Variants in PDE4B observed in about 807,000 individuals in gnomAD.
PDE4B encodes 3',5'-cyclic-AMP phosphodiesterase 4B.
PDE4B carries 20 observed loss-of-function variants against 82.2 expected under a neutral mutation model. The ratio of observed to expected loss-of-function variants is 0.24; its 90% CI spans 0.17 to 0.35. The LOEUF is 0.35. PDE4B is among the 10% of genes least tolerant of loss of function. The pLI is 1.00. For synonymous variants in PDE4B, 320 were observed against 318.9 expected, an observed-to-expected ratio of 1.00 and a Z score of -0.04; for missense variants, 655 against 907.2, an observed-to-expected ratio of 0.72 and a Z score of 3.57.
chr1:66,339,867 A>G lies in PDE4B; in HGVS notation c.747+7247A>G, dbSNP rs187275603. Among the ~76,000 whole-genome samples the G allele has an allele frequency of 8.1e-5, 12 of 148,952 alleles. No individual in the cohort carries two copies. In the East Asian group the frequency reaches 2.1e-3, roughly 27 times the overall value. On this transcript the variant is annotated intron_variant, in intron 8 of 16. Coordinates refer to ENST00000341517, the MANE Select transcript of PDE4B (RefSeq NM_002600.4). Reference sequence around the variant, plus strand: ...TTTTTGTTGTTTTTTTTTTTTTAGAATATGTCCGAGTCTAAAAGGCTCCTA... The same window carrying G: ...TTTTTGTTGTTTTTTTTTTTTTAGAGTATGTCCGAGTCTAAAAGGCTCCTA...
chr1:65,988,977 T>C (rs1651100328), intron 3 of PDE4B, among the ~76,000 whole-genome samples: 1 of 152,196 alleles, frequency 6.6e-6, no homozygotes, highest in Admixed American at 6.5e-5. Context: ...AAAGTTATCA[T>C]AGTGTCACTA....
chr1:66,011,161 C>A (rs1422725107), intron 3 of PDE4B, among the ~76,000 whole-genome samples: 1 of 147,694 alleles, frequency 6.8e-6, no homozygotes, highest in Non-Finnish European at 1.5e-5. Context: ...TTTATTCATT[C>A]ACTTGTTGAC....
intron 1 of PDE4B, among the ~76,000 whole-genome samples, chr1:65,867,895 A>C (rs936091625): frequency 1.3e-5 from 2 of 152,220 alleles, no homozygotes; most frequent in African/African-American, 4.8e-5. Context: ...TGTTCTCTCT[A>C]AAAATCCCTT....
intron 1 of PDE4B, among the ~76,000 whole-genome samples, chr1:65,862,365 A>C (rs1374481378): frequency 6.6e-6 from 1 of 152,202 alleles, no homozygotes; most frequent in African/African-American, 2.4e-5. Flanking sequence ...TGATTTGCAT[A>C]TGTTGAACCA....
intron 1 of PDE4B, among the ~76,000 whole-genome samples, chr1:65,797,736 C>T (rs1645647458): frequency 6.6e-6 from 1 of 152,134 alleles, no homozygotes; most frequent in Non-Finnish European, 1.5e-5. Flanking sequence ...GCTCTGAGGC[C>T]ACCTAGTATT....
intron 3 of PDE4B, among the ~76,000 whole-genome samples, chr1:66,229,017 CT>C (rs537786155): frequency 6.6e-6 from 1 of 151,586 alleles, no homozygotes. Context: ...TCCCCAGAGG[CT>C]TTTTTTTGAG....
intron 8 of PDE4B, among the ~76,000 whole-genome samples, chr1:66,345,276 C>T (rs1231163740): frequency 6.6e-6 from 1 of 151,262 alleles, no homozygotes; most frequent in Non-Finnish European, 1.5e-5. Context: ...AAGGGAAATC[C>T]ACAATTTATT....
intron 3 of PDE4B, among the ~76,000 whole-genome samples, chr1:66,166,816 T>C (rs1646742501): frequency 1.3e-5 from 2 of 151,358 alleles, no homozygotes; most frequent in South Asian, 2.1e-4. Context: ...AAGGGACATG[T>C]TTCTAGAATA....
intron 2 of PDE4B, among the ~76,000 whole-genome samples, chr1:65,914,284 A>G (rs989838857): frequency 2.0e-5 from 3 of 152,154 alleles, no homozygotes; most frequent in African/African-American, 7.2e-5. Context: ...TGCTAGAACT[A>G]ATTCTCAGCT....
At chr1:66,076,958 G>C (rs527298410) in intron 3 of PDE4B, among the ~76,000 whole-genome samples, 1 of 151,638 alleles carries the variant, frequency 6.6e-6, no homozygotes, top group South Asian at 2.1e-4. Context: ...CCCTTATTCT[G>C]TAAGTTGTCT....
chr1:65,839,966 A>G (rs1412776693), intron 1 of PDE4B, among the ~76,000 whole-genome samples: 1 of 152,140 alleles, frequency 6.6e-6, no homozygotes, highest in Non-Finnish European at 1.5e-5. Context: ...TTGCAATTCT[A>G]ACTGGCATGA....
At chr1:66,165,596 A>G (rs1646713237) in intron 3 of PDE4B, among the ~76,000 whole-genome samples, 1 of 152,166 alleles carries the variant, frequency 6.6e-6, no homozygotes, top group South Asian at 2.1e-4. Flanking sequence ...AATTCTATAT[A>G]ATAGCAATGA....
intron 3 of PDE4B, among the ~76,000 whole-genome samples, chr1:66,063,508 G>T (rs1388413742): frequency 2.0e-5 from 3 of 151,788 alleles, no homozygotes; most frequent in Non-Finnish European, 4.4e-5. Flanking sequence ...TTTTTAAATT[G>T]ACACATAATA....
chr1:66,191,214 A>G (rs1045347211), intron 3 of PDE4B, among the ~76,000 whole-genome samples: 2 of 152,164 alleles, frequency 1.3e-5, no homozygotes, highest in Non-Finnish European at 2.9e-5. Flanking sequence ...TAAAACTTGT[A>G]TCTAGGACTC....
chr1:66,123,381 T>C (rs1037640135), intron 3 of PDE4B, among the ~76,000 whole-genome samples: 2 of 152,204 alleles, frequency 1.3e-5, no homozygotes, highest in African/African-American at 4.8e-5. Context: ...AGACACTTAC[T>C]TTCATCGGCA....
chr1:66,190,665 C>T (rs1403531389), intron 3 of PDE4B, among the ~76,000 whole-genome samples: 1 of 152,150 alleles, frequency 6.6e-6, no homozygotes. Context: ...TCCTGGTATG[C>T]CATTTGCTAA....
At chr1:66,020,041 T>C (rs929500925) in intron 3 of PDE4B, among the ~76,000 whole-genome samples, 2 of 152,240 alleles carry the variant, frequency 1.3e-5, no homozygotes, top group African/African-American at 4.8e-5. Flanking sequence ...GAAAAATAGT[T>C]ACTATCGACA....
At chr1:66,071,471 T>C (rs1252011331) in intron 3 of PDE4B, among the ~76,000 whole-genome samples, 1 of 152,126 alleles carries the variant, frequency 6.6e-6, no homozygotes, top group Non-Finnish European at 1.5e-5. Context: ...GAAGAGTACT[T>C]TGGGAATATA....
intron 9 of PDE4B, among the ~76,000 whole-genome samples, chr1:66,361,001 A>G (rs898940060): frequency 6.6e-6 from 1 of 152,198 alleles, no homozygotes; most frequent in Non-Finnish European, 1.5e-5. Flanking sequence ...GTCTTCCTCT[A>G]AACCTCAAAT....
Sources: gnomAD v4.1 joint callset for allele counts (sites outside exome capture counted in the v4.1 genomes callset) on GRCh38, gnomAD v4.1.1 for gene constraint, MANE v1.5 for transcripts, NCBI Gene and HGNC (gene_info 2026-07-23, HGNC 2026-07-21) for gene names.